Variants in RFX3 observed in about 807,000 individuals in gnomAD.
RFX3 encodes the protein regulatory factor X3.
RFX3 carries 14 observed loss-of-function variants against 98.6 expected under a neutral mutation model. That is an observed-to-expected ratio of 0.14 (90% confidence interval 0.09 to 0.22). RFX3 has a LOEUF of 0.22. Among genes scored for constraint, RFX3 ranks in the 10% least tolerant of loss-of-function variants. RFX3 has a pLI of 1.00. For synonymous variants in RFX3, 383 were observed against 328.4 expected, an observed-to-expected ratio of 1.17 and a Z score of -1.80; for missense variants, 639 against 926.9, an observed-to-expected ratio of 0.69 and a Z score of 4.03.
At chr9:3,288,832 C>T (rs775043297) in intron 6 of RFX3, among the ~76,000 whole-genome samples, 1 of 151,956 alleles carries the variant, frequency 6.6e-6, no homozygotes, top group African/African-American at 2.4e-5. Flanking sequence ...AGAAAGTAAG[C>T]CTTTAATCTG....
intron 1 of RFX3, among the ~76,000 whole-genome samples, chr9:3,508,440 A>G (rs1007631392): frequency 1.3e-5 from 2 of 151,952 alleles, no homozygotes; most frequent in African/African-American, 4.8e-5. Context: ...TCTCCCCCTA[A>G]AAACATTAAC....
chr9:3,479,154 C>T (rs1165218682), intron 1 of RFX3, among the ~76,000 whole-genome samples: 1 of 152,156 alleles, frequency 6.6e-6, no homozygotes, highest in South Asian at 2.1e-4. Context: ...GCAGACCCCA[C>T]TGGTCTTCCC....
At chr9:3,270,868 T>C in intron 10 of RFX3, 135 bp downstream of exon 10, 10 of 1,283,202 alleles carry the variant, frequency 7.8e-6, no homozygotes, top group South Asian at 2.8e-5. Flanking sequence ...GGTTTATTTC[T>C]AGGATGGCCA....
chr9:3,453,946 T>G (rs1159388656), intron 1 of RFX3, among the ~76,000 whole-genome samples: 15 of 152,140 alleles, frequency 9.9e-5, no homozygotes, highest in Admixed American at 9.8e-4. Flanking sequence ...ACATTTAACT[T>G]GGGCATCAGT....
chr9:3,508,639 T>A (rs1454086028), intron 1 of RFX3, among the ~76,000 whole-genome samples: 1 of 151,926 alleles, frequency 6.6e-6, no homozygotes, highest in Non-Finnish European at 1.5e-5. Flanking sequence ...TGAGGCTAAA[T>A]CCAAAGGGAA....
intron 1 of RFX3, among the ~76,000 whole-genome samples, chr9:3,401,845 C>A (rs1416539773): frequency 6.6e-6 from 1 of 152,100 alleles, no homozygotes; most frequent in Non-Finnish European, 1.5e-5. Flanking sequence ...AAATAGGCCA[C>A]ATTTTGAAAG....
chr9:3,280,886 T>C (rs1485251215), intron 7 of RFX3, among the ~76,000 whole-genome samples: 2 of 151,744 alleles, frequency 1.3e-5, no homozygotes, highest in East Asian at 3.9e-4. Flanking sequence ...TAGAAATACA[T>C]CAATTAATAT....
At chr9:3,480,115 CACA>C (rs1587817429) in intron 1 of RFX3, among the ~76,000 whole-genome samples, 1 of 152,314 alleles carries the variant, frequency 6.6e-6, no homozygotes, top group East Asian at 1.9e-4. Context: ...AACTTACTGG[CACA>C]ACAACCACCA....
At chr9:3,345,196 G>C (rs1203075151) in intron 3 of RFX3, among the ~76,000 whole-genome samples, 2 of 152,120 alleles carry the variant, frequency 1.3e-5, no homozygotes, top group Admixed American at 6.6e-5. Flanking sequence ...TGACATGTCT[G>C]TCTATAAAGA....
intron 1 of RFX3, among the ~76,000 whole-genome samples, chr9:3,482,290 C>G (rs1587823421): frequency 6.6e-6 from 1 of 151,378 alleles, no homozygotes; most frequent in South Asian, 2.1e-4. Flanking sequence ...GAGAAAAGAG[C>G]ACATACACAC....
intron 1 of RFX3, among the ~76,000 whole-genome samples, chr9:3,480,517 C>A (rs1008874098): frequency 9.2e-5 from 14 of 152,140 alleles, no homozygotes; most frequent in Admixed American, 9.2e-4. Context: ...GCATGAATGC[C>A]ATCAATGTAA....
At chr9:3,270,081 G>GGAAAGAAAGAAAGAAAGAAAGAAA (rs57222273) in intron 11 of RFX3, among the ~76,000 whole-genome samples, 3,778 of 137,794 alleles carry the variant, frequency 0.027, 120 homozygotes, top group African/African-American at 0.066. Flanking sequence ...AGAGAAAGAA[G>GGAAAGAAAGAAAGAAAGAAAGAAA]GAAAGAAAGA....
At chr9:3,395,932 TA>T (rs1366575570) in intron 1 of RFX3, among the ~76,000 whole-genome samples, 3 of 152,216 alleles carry the variant, frequency 2.0e-5, no homozygotes, top group Non-Finnish European at 2.9e-5. Flanking sequence ...AAAATGTTCT[TA>T]ATTCTCAGAA....
intron 1 of RFX3, among the ~76,000 whole-genome samples, chr9:3,463,786 C>T (rs1259589149): frequency 1.3e-5 from 2 of 151,910 alleles, no homozygotes; most frequent in Admixed American, 6.6e-5. Flanking sequence ...GCCTGGGCGA[C>T]ATAGGGAGAC....
intron 2 of RFX3, among the ~76,000 whole-genome samples, chr9:3,351,150 G>A (rs1835064449): frequency 6.6e-6 from 1 of 151,954 alleles, no homozygotes; most frequent in Non-Finnish European, 1.5e-5. Context: ...GTACCTCTCT[G>A]GTGGGGAATG....
At chr9:3,380,340 T>C (rs1418881859) in intron 2 of RFX3, among the ~76,000 whole-genome samples, 2 of 152,146 alleles carry the variant, frequency 1.3e-5, no homozygotes, top group Admixed American at 6.5e-5. Context: ...ACCAACTGAC[T>C]CACCTCTTTG....
chr9:3,398,914 T>TAAAAAAAAAAAAAAAAAA (rs71324247), intron 1 of RFX3, among the ~76,000 whole-genome samples: 1 of 67,566 alleles, frequency 1.5e-5, no homozygotes, highest in African/African-American at 4.8e-5. Context: ...TAGAGTATAA[T>TAAAAAAAAAAAAAAAAAA]AAAAAAAAAA....
intron 15 of RFX3, among the ~76,000 whole-genome samples, chr9:3,244,353 T>C (rs773115966): frequency 4.6e-5 from 7 of 152,232 alleles, no homozygotes; most frequent in Admixed American, 1.3e-4. Context: ...TATCCACTTA[T>C]AGATCTGTGG....
intron 8 of RFX3, among the ~76,000 whole-genome samples, 161 bp downstream of exon 8, chr9:3,277,179 G>A (rs1045964478): frequency 6.6e-6 from 1 of 151,836 alleles, no homozygotes; most frequent in East Asian, 1.9e-4. Flanking sequence ...AACACGAAAG[G>A]CAGACATGAA....
Sources: allele counts gnomAD v4.1 joint callset (sites outside exome capture counted in the v4.1 genomes callset), GRCh38; gene constraint gnomAD v4.1.1; transcripts MANE v1.5; gene names NCBI Gene and HGNC (gene_info 2026-07-23, HGNC 2026-07-21).